EXOC4: variants seen among roughly 807,000 people sequenced by gnomAD.
EXOC4 encodes exocyst complex component 4.
A neutral mutation model predicts 107.2 loss-of-function variants in EXOC4; 71 were observed. That is an observed-to-expected ratio of 0.66 (90% CI 0.55 to 0.81). The LOEUF is 0.81. Ranked by LOEUF, EXOC4 falls within the 30% of genes least tolerant of loss-of-function variation. The probability of loss-of-function intolerance (pLI) is 0.00; values close to 1 mark genes in which losing one functional copy is unlikely to be tolerated. For synonymous variants in EXOC4, 456 were observed against 441.2 expected, an observed-to-expected ratio of 1.03 and a Z score of -0.42; for missense variants, 1,108 against 1,189.6, an observed-to-expected ratio of 0.93 and a Z score of 1.01.
chr7:133,931,983 A>G (rs1800186691), intron 13 of EXOC4, among the ~76,000 whole-genome samples: 1 of 152,222 alleles, frequency 6.6e-6, no homozygotes, highest in African/African-American at 2.4e-5. Flanking sequence ...CCTTAAGAAC[A>G]CAGCACATAA....
chr7:133,687,417 A>G (rs977446237), intron 10 of EXOC4, among the ~76,000 whole-genome samples: 2 of 152,180 alleles, frequency 1.3e-5, no homozygotes, highest in East Asian at 3.9e-4. Context: ...ACAAATTAAA[A>G]TATTATATTT....
intron 11 of EXOC4, among the ~76,000 whole-genome samples, chr7:133,881,087 A>G (rs918799864): frequency 4.6e-5 from 7 of 152,186 alleles, no homozygotes; most frequent in African/African-American, 7.2e-5. Flanking sequence ...GAAGTGGATC[A>G]TCTAGTGATT....
At chr7:133,839,210 G>A (rs149873345) in intron 11 of EXOC4, among the ~76,000 whole-genome samples, 24 of 152,250 alleles carry the variant, frequency 1.6e-4, no homozygotes, top group East Asian at 3.9e-4. Flanking sequence ...GCAAACAGTC[G>A]TTTATACTTG....
intron 9 of EXOC4, among the ~76,000 whole-genome samples, chr7:133,547,486 C>T (rs1305742694): frequency 6.6e-6 from 1 of 152,104 alleles, no homozygotes; most frequent in East Asian, 1.9e-4. Flanking sequence ...TTGACTCTTC[C>T]TCTTATGAAA....
chr7:134,057,585 A>G (rs1406964372), intron 17 of EXOC4, among the ~76,000 whole-genome samples: 1 of 152,232 alleles, frequency 6.6e-6, no homozygotes, highest in Non-Finnish European at 1.5e-5. Flanking sequence ...ACTTTTTAAT[A>G]AACTAATTTA....
intron 11 of EXOC4, among the ~76,000 whole-genome samples, chr7:133,831,368 A>G (rs764871655): frequency 6.6e-6 from 1 of 152,324 alleles, no homozygotes; most frequent in South Asian, 2.1e-4. Flanking sequence ...GAATGCTTCT[A>G]CATGAGAGAG....
chr7:133,349,165 T>A (rs751742402), intron 5 of EXOC4, among the ~76,000 whole-genome samples: 4 of 151,936 alleles, frequency 2.6e-5, no homozygotes, highest in Non-Finnish European at 5.9e-5. Context: ...TCACATACCA[T>A]AAAGCCTACC....
intron 12 of EXOC4, among the ~76,000 whole-genome samples, chr7:133,916,213 C>T (rs542048243): frequency 3.3e-5 from 5 of 152,300 alleles, no homozygotes; most frequent in Middle Eastern, 3.4e-3. Context: ...ATAGAATTTG[C>T]GCTCCTGTGA....
At chr7:134,003,644 G>A (rs1324791330) in intron 15 of EXOC4, among the ~76,000 whole-genome samples, 2 of 152,020 alleles carry the variant, frequency 1.3e-5, no homozygotes, top group Non-Finnish European at 2.9e-5. Flanking sequence ...TTCCATGCAA[G>A]GTCAGACAGA....
chr7:134,098,146 C>A, the EXOC4 span, among the ~76,000 whole-genome samples: 1 of 152,224 alleles, frequency 6.6e-6, no homozygotes, highest in Non-Finnish European at 1.5e-5. Context: ...CAAACATATT[C>A]TTCAGGCTGG....
chr7:134,034,928 T>C (rs1351554381), intron 17 of EXOC4, among the ~76,000 whole-genome samples: 1 of 152,232 alleles, frequency 6.6e-6, no homozygotes, highest in East Asian at 1.9e-4. Flanking sequence ...TGTAAATGTT[T>C]ATCTTCACCC....
chr7:133,448,183 G>T (rs1230863118), intron 7 of EXOC4, among the ~76,000 whole-genome samples: 1 of 152,216 alleles, frequency 6.6e-6, no homozygotes, highest in Admixed American at 6.5e-5. Context: ...GGGCTGTGGA[G>T]TGTGCCCCAC....
chr7:133,738,355 TA>T (rs1223402718), intron 10 of EXOC4, among the ~76,000 whole-genome samples: 58 of 152,318 alleles, frequency 3.8e-4, no homozygotes, highest in African/African-American at 1.2e-3. Flanking sequence ...CTAGAAAAAT[TA>T]AATGTGTAGC....
At chr7:133,600,533 G>A (rs1801781935) in intron 9 of EXOC4, among the ~76,000 whole-genome samples, 1 of 152,116 alleles carries the variant, frequency 6.6e-6, no homozygotes, top group African/African-American at 2.4e-5. Context: ...TTGCACTAAT[G>A]GAGAGAATCG....
intron 9 of EXOC4, among the ~76,000 whole-genome samples, chr7:133,593,775 G>A (rs548978530): frequency 1.4e-4 from 22 of 152,152 alleles, no homozygotes; most frequent in Non-Finnish European, 2.5e-4. Context: ...CATATTTTGA[G>A]CAAATATAGT....
At chr7:133,883,291 G>A (rs1017931410) in intron 11 of EXOC4, among the ~76,000 whole-genome samples, 2 of 147,862 alleles carry the variant, frequency 1.4e-5, no homozygotes, top group African/African-American at 5.0e-5. Flanking sequence ...TGCCCACTTT[G>A]CCCACTTTAT....
At chr7:133,851,940 T>C (rs1289661409) in intron 11 of EXOC4, among the ~76,000 whole-genome samples, 1 of 152,224 alleles carries the variant, frequency 6.6e-6, no homozygotes, top group African/African-American at 2.4e-5. Flanking sequence ...GCCATTGTTT[T>C]TCTAAGAACC....
intron 10 of EXOC4, among the ~76,000 whole-genome samples, chr7:133,794,183 C>T (rs1333937485): frequency 6.6e-6 from 1 of 152,188 alleles, no homozygotes. Flanking sequence ...CTATAATCAG[C>T]TTTGAATCCT....
In EXOC4 at chr7:133,761,637, A is replaced by G. The variant is rs149294830; in HGVS notation, c.1515-55688A>G. Among the ~76,000 whole-genome samples the G allele has an allele frequency of 2.4e-3, 362 of 152,268 alleles. 5 individuals are homozygous for G. Among genetic ancestry groups the G allele is most frequent in the African/African-American group, 8.1e-3 (338 of 41,550 alleles). The stretch of plus-strand genomic sequence containing the variant: ...GACTATGTTGCCTGGAAGATAAAGA[A>G]GCATTCACTGCTCTTCCCATCCCAC... On this transcript the variant is annotated intron_variant, in intron 10 of 17. Transcript: ENST00000253861.
Sources: gnomAD v4.1 joint callset for allele counts (sites outside exome capture counted in the v4.1 genomes callset) on GRCh38, gnomAD v4.1.1 for gene constraint, MANE v1.5 for transcripts, NCBI Gene and HGNC (gene_info 2026-07-23, HGNC 2026-07-21) for gene names.